The following DGKB variants were observed in gnomAD, a reference collection of about 807,000 sequenced individuals.
DGKB encodes the protein diacylglycerol kinase beta, also known as 90 kDa diacylglycerol kinase.
DGKB carries 67 observed loss-of-function variants against 114.3 expected under a neutral mutation model. The observed-to-expected ratio is 0.59, with a 90% CI of 0.48 to 0.72. DGKB has a LOEUF of 0.72. Among genes scored for constraint, DGKB ranks in the 30% least tolerant of loss-of-function variants. The probability of loss-of-function intolerance (pLI) is 0.00; values close to 1 mark genes in which losing one functional copy is unlikely to be tolerated. For missense variants in DGKB, 907 were observed against 975.2 expected (o/e 0.93, Z 0.93); for synonymous variants, 398 against 323.1 (o/e 1.23, Z -2.49).
At chr7:14,295,790 T>A (rs1359231445) in intron 23 of DGKB, among the ~76,000 whole-genome samples, 1 of 152,086 alleles carries the variant, frequency 6.6e-6, no homozygotes. Context: ...TGTGCCATGG[T>A]GGTTTGCTGC....
intron 4 of DGKB, among the ~76,000 whole-genome samples, chr7:14,746,530 C>T (rs753920056): frequency 3.9e-5 from 6 of 152,088 alleles, no homozygotes; most frequent in African/African-American, 9.7e-5. Context: ...AAGTCTTGCT[C>T]TTCCCCACCC....
chr7:14,535,472 A>G (rs756653010), intron 20 of DGKB, among the ~76,000 whole-genome samples: 14 of 152,316 alleles, frequency 9.2e-5, no homozygotes, highest in Non-Finnish European at 2.1e-4. Flanking sequence ...TAACTACAAA[A>G]AGAACACGCT....
intron 23 of DGKB, among the ~76,000 whole-genome samples, chr7:14,292,443 A>G (rs1452420235): frequency 6.6e-6 from 1 of 152,162 alleles, no homozygotes; most frequent in African/African-American, 2.4e-5. Flanking sequence ...ATCTGCTCAT[A>G]TTCACATCTC....
intron 1 of DGKB, among the ~76,000 whole-genome samples, chr7:14,894,868 C>G (rs183190276): frequency 6.6e-6 from 1 of 151,572 alleles, no homozygotes; most frequent in Non-Finnish European, 1.5e-5. Flanking sequence ...GGCTTTTATG[C>G]TATGTTATCT....
At chr7:14,674,546 A>C (rs1446974446) in intron 12 of DGKB, among the ~76,000 whole-genome samples, 1 of 152,146 alleles carries the variant, frequency 6.6e-6, no homozygotes, top group African/African-American at 2.4e-5. Context: ...ATTTCTCCCA[A>C]AAGATATGCT....
intron 21 of DGKB, among the ~76,000 whole-genome samples, chr7:14,349,048 C>T (rs184293366): frequency 6.6e-6 from 1 of 152,064 alleles, no homozygotes; most frequent in East Asian, 1.9e-4. Flanking sequence ...GCAAACAAAT[C>T]TGGCAGAAAC....
intron 1 of DGKB, among the ~76,000 whole-genome samples, chr7:14,925,089 T>C (rs1025412764): frequency 2.6e-5 from 4 of 152,232 alleles, no homozygotes; most frequent in African/African-American, 9.6e-5. Flanking sequence ...CTCAAGTTTT[T>C]TATGTATTAA....
chr7:14,715,271 G>C (rs1378518467), intron 6 of DGKB, among the ~76,000 whole-genome samples: 1 of 152,118 alleles, frequency 6.6e-6, no homozygotes, highest in East Asian at 1.9e-4. Context: ...TTTAGTTTTG[G>C]AATAATAGCA....
intron 21 of DGKB, among the ~76,000 whole-genome samples, chr7:14,399,151 C>A (rs1460043482): frequency 6.6e-6 from 1 of 151,302 alleles, no homozygotes; most frequent in Non-Finnish European, 1.5e-5. Flanking sequence ...ATGGCAATAC[C>A]ACTATTACCA....
chr7:14,596,521 G>A (rs1054241487), intron 17 of DGKB, among the ~76,000 whole-genome samples: 3 of 152,068 alleles, frequency 2.0e-5, no homozygotes, highest in Non-Finnish European at 2.9e-5. Context: ...TTTTACACCA[G>A]GAGAACTAGC....
intron 1 of DGKB, among the ~76,000 whole-genome samples, chr7:14,876,409 G>C (rs991390822): frequency 6.6e-6 from 1 of 152,194 alleles, no homozygotes; most frequent in Non-Finnish European, 1.5e-5. Flanking sequence ...TGCCTGTTGA[G>C]TAAAGCTGTT....
intron 23 of DGKB, among the ~76,000 whole-genome samples, chr7:14,283,845 C>T (rs1488389208): frequency 6.6e-6 from 1 of 151,934 alleles, no homozygotes; most frequent in Admixed American, 6.6e-5. Context: ...CTTCCTTACA[C>T]CTTATACAAA....
chr7:14,445,125 A>T (rs1158301062), intron 21 of DGKB, among the ~76,000 whole-genome samples: 2 of 151,834 alleles, frequency 1.3e-5, no homozygotes, highest in African/African-American at 4.8e-5. Context: ...ATAGTTGTAA[A>T]GACTTTCATC....
chr7:14,789,490 C>T (rs773622960), intron 2 of DGKB, among the ~76,000 whole-genome samples: 15 of 152,236 alleles, frequency 9.9e-5, no homozygotes, highest in Admixed American at 2.6e-4. Flanking sequence ...TAAGCATTCA[C>T]CAGTTGAAGA....
intron 9 of DGKB, among the ~76,000 whole-genome samples, chr7:14,693,760 G>C (rs1823321843): frequency 6.6e-6 from 1 of 151,936 alleles, no homozygotes; most frequent in Admixed American, 6.6e-5. Flanking sequence ...ATACTGGAGA[G>C]CCTCTTGCTT....
chr7:14,600,070 A>G (rs1240463379), intron 17 of DGKB, among the ~76,000 whole-genome samples: 1 of 152,224 alleles, frequency 6.6e-6, no homozygotes, highest in Non-Finnish European at 1.5e-5. Flanking sequence ...TGGGAAGTCC[A>G]AGGTCAAGAC....
At chr7:14,517,200 A>G (rs1294537869) in intron 20 of DGKB, among the ~76,000 whole-genome samples, 2 of 152,156 alleles carry the variant, frequency 1.3e-5, no homozygotes, top group South Asian at 2.1e-4. Flanking sequence ...AAAACAAGCG[A>G]TAGGGAAAGA....
At chr7:14,696,561 C>T (rs1253140050) in intron 8 of DGKB, among the ~76,000 whole-genome samples, 1 of 150,786 alleles carries the variant, frequency 6.6e-6, no homozygotes, top group African/African-American at 2.4e-5. Context: ...ACAAATCCCC[C>T]TCCCACTCTC....
intron 20 of DGKB, among the ~76,000 whole-genome samples, chr7:14,562,899 A>G (rs541938203): frequency 2.4e-4 from 36 of 152,284 alleles, no homozygotes; most frequent in African/African-American, 8.2e-4. Flanking sequence ...ATGTGAGGAT[A>G]GGAGATTTGG....
Sources: gnomAD v4.1 joint callset for allele counts (sites outside exome capture counted in the v4.1 genomes callset) on GRCh38, gnomAD v4.1.1 for gene constraint, MANE v1.5 for transcripts, NCBI Gene and HGNC (gene_info 2026-07-23, HGNC 2026-07-21) for gene names.